Variants in SLC2A9 observed in about 807,000 individuals in gnomAD.
SLC2A9 encodes solute carrier family 2 member 9, also known as solute carrier family 2, facilitated glucose transporter member 9.
SLC2A9 carries 39 observed loss-of-function variants against 50.6 expected under a neutral mutation model. The ratio of observed to expected loss-of-function variants is 0.77; its 90% CI spans 0.60 to 1.01. SLC2A9 has a LOEUF of 1.01. SLC2A9 is among the 50% of genes least tolerant of loss of function. The pLI, the probability that SLC2A9 is intolerant of heterozygous loss-of-function variation, is 0.00. For synonymous variants in SLC2A9, 324 were observed against 276.9 expected (o/e 1.17, Z -1.69); for missense variants, 686 against 677.6 (o/e 1.01, Z -0.14).
intron 6 of SLC2A9, among the ~76,000 whole-genome samples, chr4:9,927,009 G>A (rs1449605506): frequency 1.3e-5 from 2 of 151,418 alleles, no homozygotes; most frequent in Non-Finnish European, 2.9e-5. Flanking sequence ...GAACTGTGAG[G>A]GAATCCATTT....
intron 3 of SLC2A9, among the ~76,000 whole-genome samples, chr4:9,802,309 T>C (rs566930197): frequency 6.6e-6 from 1 of 150,422 alleles, no homozygotes; most frequent in East Asian, 2.0e-4. Flanking sequence ...TGAGAAGTAA[T>C]GAATTTCAAA....
intron 3 of SLC2A9, among the ~76,000 whole-genome samples, chr4:9,781,422 C>T (rs1217724937): frequency 6.6e-6 from 1 of 152,222 alleles, no homozygotes; most frequent in African/African-American, 2.4e-5. Flanking sequence ...CGCCAAGCAC[C>T]CTTCGGTTTT....
At chr4:9,825,149 T>G (rs1374434380), downstream of SLC2A9, among the ~76,000 whole-genome samples, 1 of 152,232 alleles carries the variant, frequency 6.6e-6, no homozygotes, top group Non-Finnish European at 1.5e-5. Flanking sequence ...CTAATTCAAG[T>G]GCACTTTACT....
downstream of SLC2A9, among the ~76,000 whole-genome samples, chr4:9,795,993 C>T (rs996777289): frequency 1.3e-5 from 2 of 152,202 alleles, no homozygotes; most frequent in Non-Finnish European, 2.9e-5. Flanking sequence ...AATAGTCCCA[C>T]TTTACAGGTG....
rs568951772 is a variant in SLC2A9, at chr4:9,998,109, G to A, written c.250-1168C>T. Reference sequence around the variant, plus strand: ...ACTTCACATTCACTAGAGTCTCATCGCTGCCAATTCTGATTCAGTGTGTTT... The same window carrying A: ...ACTTCACATTCACTAGAGTCTCATCACTGCCAATTCTGATTCAGTGTGTTT... On this transcript the variant is annotated intron_variant, in intron 2 of 11. Transcript: ENST00000264784. Among the ~76,000 whole-genome samples, 78 of 152,284 alleles carry A rather than the reference G, an allele frequency of 5.1e-4. No homozygotes were observed. In the South Asian group the frequency reaches 0.01, roughly 20 times the overall value.
At chr4:9,817,766 C>T (rs1011078514) in intron 3 of SLC2A9, among the ~76,000 whole-genome samples, 4 of 152,072 alleles carry the variant, frequency 2.6e-5, no homozygotes, top group African/African-American at 9.7e-5. Flanking sequence ...AGATTTTTTG[C>T]CCTACCAAAC....
intron 6 of SLC2A9, among the ~76,000 whole-genome samples, chr4:9,931,962 C>CTCTCTCTCTCTCTCTCTCTCTATATATA (rs1560329576): frequency 6.9e-5 from 1 of 14,580 alleles, no homozygotes; most frequent in Non-Finnish European, 1.1e-4. Flanking sequence ...CTCTCTCTCT[C>CTCTCTCTCTCTCTCTCTCTCTATATATA]TATATATATA....
chr4:9,884,949 C>T (rs1735914699), intron 10 of SLC2A9, among the ~76,000 whole-genome samples: 1 of 152,102 alleles, frequency 6.6e-6, no homozygotes, highest in East Asian at 1.9e-4. Flanking sequence ...TGTTCTCACT[C>T]ATAAGTGTGA....
chr4:9,955,442 C>G (rs1751059947), intron 5 of SLC2A9, among the ~76,000 whole-genome samples: 1 of 41,706 alleles, frequency 2.4e-5, no homozygotes, highest in Non-Finnish European at 4.5e-5. Flanking sequence ...TTGCAGTGAG[C>G]CGAGATTGCG....
At chr4:9,785,863 T>A (rs1286777098) in intron 3 of SLC2A9, among the ~76,000 whole-genome samples, 1 of 152,186 alleles carries the variant, frequency 6.6e-6, no homozygotes, top group Non-Finnish European at 1.5e-5. Context: ...GCAGGGGTAA[T>A]TGCTATGTTG....
At chr4:9,891,639 G>A (rs914431969) in intron 8 of SLC2A9, among the ~76,000 whole-genome samples, 10 of 152,254 alleles carry the variant, frequency 6.6e-5, no homozygotes, top group African/African-American at 2.4e-4. Context: ...GGGTCAGAGA[G>A]GTGAGATAAC....
rs1039708951 is a variant in SLC2A9, at chr4:9,879,714, T to A, written c.1291+7853A>T. On this transcript the variant is annotated intron_variant, in intron 10 of 11. Coordinates refer to ENST00000264784, the MANE Select transcript of SLC2A9 (RefSeq NM_020041.3). ...ACTCCATTTAAACACAAACTCCCCA[T>A]AGAGGACTTAACTTGGTGCCAGGCA... 11 of 985,294 alleles carry A rather than the reference T, an allele frequency of 1.1e-5. No homozygotes were observed. The African/African-American group carries it at 1.4e-4, about 13-fold the overall frequency. The allele number at this position is 985,294 out of a possible 1,614,324, so 61.0% of individuals were successfully genotyped here. A position where few individuals can be genotyped will look rare whatever the true frequency, so the allele number is the denominator to read the frequency against.
At chr4:9,852,312 G>A (rs551584736) in intron 10 of SLC2A9, among the ~76,000 whole-genome samples, 4 of 151,554 alleles carry the variant, frequency 2.6e-5, no homozygotes, top group Non-Finnish European at 5.9e-5. Flanking sequence ...GACTGCAGTG[G>A]CGCAATCTCG....
downstream of SLC2A9, among the ~76,000 whole-genome samples, chr4:9,798,321 C>A (rs1255191941): frequency 6.6e-6 from 1 of 152,204 alleles, no homozygotes; most frequent in Non-Finnish European, 1.5e-5. Flanking sequence ...AATGCACTTG[C>A]CCAGCTGATT....
intron 10 of SLC2A9, 42 bp downstream of exon 10, chr4:9,887,525 T>G: frequency 6.5e-7 from 1 of 1,531,850 alleles, no homozygotes; most frequent in Non-Finnish European, 8.8e-7. Flanking sequence ...GGTGATGCCA[T>G]GAGTCCCTGG....
chr4:9,912,177 T>C (rs1013977115), intron 7 of SLC2A9, among the ~76,000 whole-genome samples: 1 of 152,014 alleles, frequency 6.6e-6, no homozygotes, highest in East Asian at 1.9e-4. Context: ...CATTAGGAGA[T>C]ATACCTAATG....
chr4:9,801,936 C>A (rs1272913409), intron 3 of SLC2A9, among the ~76,000 whole-genome samples: 1 of 152,200 alleles, frequency 6.6e-6, no homozygotes, highest in African/African-American at 2.4e-5. Flanking sequence ...TAATGCTGAA[C>A]ATTTCAGGCA....
intron 4 of SLC2A9, among the ~76,000 whole-genome samples, chr4:9,984,980 T>G (rs1319976163): frequency 6.6e-6 from 1 of 152,212 alleles, no homozygotes; most frequent in East Asian, 1.9e-4. Context: ...AGACGTGCCA[T>G]GCCTCCTTCC....
At chr4:9,876,370 A>C (rs1314076316) in intron 10 of SLC2A9, among the ~76,000 whole-genome samples, 2 of 152,158 alleles carry the variant, frequency 1.3e-5, no homozygotes. Context: ...AGGTGGGAGG[A>C]TAACTTGAGC....
Sources: gnomAD v4.1 joint callset for allele counts (sites outside exome capture counted in the v4.1 genomes callset) on GRCh38, gnomAD v4.1.1 for gene constraint, MANE v1.5 for transcripts, NCBI Gene and HGNC (gene_info 2026-07-23, HGNC 2026-07-21) for gene names.